The following ELN variants were observed in gnomAD, a reference collection of about 807,000 sequenced individuals.
The protein encoded by ELN is tropoelastin.
ELN carries 65 observed loss-of-function variants against 105.8 expected under a neutral mutation model. The observed-to-expected ratio is 0.61, with a 90% confidence interval of 0.50 to 0.75. The LOEUF is 0.75. Among genes scored for constraint, ELN ranks in the 30% least tolerant of loss-of-function variants. The pLI is 0.00. For missense variants in ELN, 882 were observed against 969.4 expected (o/e 0.91, Z 1.20); for synonymous variants, 368 against 389.2 (o/e 0.95, Z 0.64).
Position 74,063,078 on chromosome 7 carries a change from C to T in ELN, c.1787-75C>T, listed in dbSNP as rs1200445356. ...TCACATGGCCCCTGCCACCTGTCTG[C>T]TTGCCTTGTGTCCCTGGGGCAGGGA... On this transcript the variant is annotated intron_variant, in intron 26 of 32. Transcript: ENST00000252034. This position sits in a 1 kb window ranked among gnomAD's most constrained non-coding sequence, Gnocchi z 4.1. The T allele has an allele frequency of 1.2e-5, 19 of 1,534,434 alleles. No individual in the cohort carries two copies. The highest frequency in any genetic ancestry group is 1.6e-5 in the Non-Finnish European group (18 of 1,131,812).
rs1798625452 is a variant in ELN, at chr7:74,069,383, T to C, written c.*683T>C. 4.3e-6 allele frequency: 1 copy of C among 235,222 alleles called. No individual in the cohort carries two copies. The highest frequency in any genetic ancestry group is 2.2e-5 in the African/African-American group (1 of 45,360). The allele number at this position is 235,222 out of a possible 1,614,324, so 14.6% of individuals were successfully genotyped here. ...CGGTCCGTCCATCCATGTCCCCAGTTGACCGCCCGGCACCACTAGCTGGCT... is the reference window on the plus strand; with the variant it reads ...CGGTCCGTCCATCCATGTCCCCAGTCGACCGCCCGGCACCACTAGCTGGCT... On this transcript the variant is annotated 3_prime_UTR_variant, in exon 33 of 33. Transcript: ENST00000252034.
At chr7:74,055,711 C>T (rs1219118341) in intron 19 of ELN, among the ~76,000 whole-genome samples, 1 of 151,870 alleles carries the variant, frequency 6.6e-6, no homozygotes, top group Non-Finnish European at 1.5e-5. Context: ...AACTCCTGGA[C>T]TCAAATGATC....
rs1554668352 is a variant in ELN, at chr7:74,041,264, A to T, written c.232+13A>T. The T allele has an allele frequency of 6.2e-7, 1 of 1,613,700 alleles. No individual in the cohort carries two copies. Among genetic ancestry groups the T allele is most frequent in the Non-Finnish European group, 8.5e-7 (1 of 1,179,806 alleles). Reference sequence around the variant, plus strand: ...GGCCTTGGGGCAGGTGAGTGCTGACACCCAAGAAAGATATCCCCTGTGGGG... The same window carrying T: ...GGCCTTGGGGCAGGTGAGTGCTGACTCCCAAGAAAGATATCCCCTGTGGGG... On this transcript the variant is annotated intron_variant, in intron 5 of 32. Transcript: ENST00000252034.
intron 29 of ELN, among the ~76,000 whole-genome samples, chr7:74,064,272 G>A (rs1316391242): frequency 6.6e-6 from 1 of 151,704 alleles, no homozygotes; most frequent in Non-Finnish European, 1.5e-5. Flanking sequence ...AAAATTAGCT[G>A]GGCGTGGTGG....
Position 74,063,326 on chromosome 7 carries a change from C to T in ELN, c.1875C>T (p.Ala625=), listed in dbSNP as rs782752342. ...TGTTCCCAGGAGCCGGACCCGCCGC[C>T]GCCGCTGCCGCAGCCAAAGCTGCTG... ...PGGVVGAGPA[A]AAAAAKAAAK... is the part of the protein sequence containing the mutation. Residue 625 remains alanine (A), a synonymous_variant, in exon 28 of 33, where the codon GCC becomes GCT. Coordinates refer to ENST00000252034, the MANE Select transcript of ELN (RefSeq NM_000501.4). This position sits in a 1 kb window ranked among gnomAD's most constrained non-coding sequence, Gnocchi z 4.1. 3.8e-5 allele frequency: 59 copies of T among 1,550,722 alleles called. No homozygotes were observed. Among genetic ancestry groups the T allele is most frequent in the Middle Eastern group, 1.8e-4 (1 of 5,564 alleles).
intron 1 of ELN, among the ~76,000 whole-genome samples, 171 bp downstream of exon 1, chr7:74,028,440 C>T (rs1165275710): frequency 1.3e-5 from 2 of 152,216 alleles, no homozygotes; most frequent in Non-Finnish European, 2.9e-5. Context: ...GAGCCAGCCC[C>T]GTGCCCAGGA....
Position 74,069,534 on chromosome 7 carries a change from C to G in ELN, c.*834C>G, listed in dbSNP as rs1344454994. The G allele has an allele frequency of 1.3e-5, 3 of 234,208 alleles. No individual in the cohort carries two copies. The highest frequency in any genetic ancestry group is 6.6e-5 in the African/African-American group (3 of 45,338). 14.5% of individuals were successfully genotyped at this position (234,208 alleles called of 1,614,324 possible). On this transcript the variant is annotated 3_prime_UTR_variant, in exon 33 of 33. Transcript: ENST00000252034. Reference sequence around the variant, plus strand: ...TGGGGTGCCAGGCATCTCCTCCCCACCCGGGGTGTCCCCACATGCAGTACT... The same window carrying G: ...TGGGGTGCCAGGCATCTCCTCCCCAGCCGGGGTGTCCCCACATGCAGTACT...
intron 4 of ELN, among the ~76,000 whole-genome samples, chr7:74,038,248 G>T (rs1790429666): frequency 6.6e-6 from 1 of 152,116 alleles, no homozygotes; most frequent in Non-Finnish European, 1.5e-5. Context: ...ATGGAGCACT[G>T]GTCTCAAGCC....
chr7:74,063,403 G>A lies in ELN; in HGVS notation c.1918+34G>A, dbSNP rs557437312. The A allele has an allele frequency of 2.0e-5, 31 of 1,543,702 alleles. No individual in the cohort carries two copies. In the Admixed American group the frequency reaches 2.9e-4, roughly 15 times the overall value. On this transcript the variant is annotated intron_variant, in intron 28 of 32. Coordinates refer to ENST00000252034, the MANE Select transcript of ELN (RefSeq NM_000501.4). The surrounding 1 kb of genome is among the most constrained non-coding windows in gnomAD (Gnocchi z 4.1). ...TGGGTGGAGGTGGGAGCTGCCGCCAGGCCCCCAGGCCCCCAGGGTGTGGGA... is the reference window on the plus strand; with the variant it reads ...TGGGTGGAGGTGGGAGCTGCCGCCAAGCCCCCAGGCCCCCAGGGTGTGGGA...
rs781879992 is a variant in ELN at position 74,056,327 on chromosome 7, G to A, written c.1207G>A (p.Gly403Ser). 12 of 1,614,122 alleles carry A rather than the reference G, an allele frequency of 7.4e-6. 1 individual carries two copies. In the South Asian group the frequency reaches 1.3e-4, roughly 18 times the overall value. The change falls in exon 20 of 33, where the codon GGC becomes AGC. Residue 403 changes from glycine (G) to serine (S), a missense_variant. Transcript: ENST00000252034. ...TCCTACTTACGGGGTTGGAGCTGGG[G>A]GCTTTCCCGGCTTTGGTGTCGGAGT... Reference protein sequence around the residue: ...GIPTYGVGAGGFPGFGVGVGG... With the variant: ...GIPTYGVGAGSFPGFGVGVGG...
rs782023285 is a variant in ELN at position 74,051,848 on chromosome 7, T to A, written c.889+9T>A. 1 of 1,614,218 alleles carries A rather than the reference T, an allele frequency of 6.2e-7. No individual in the cohort carries two copies. The highest frequency in any genetic ancestry group is 8.5e-7 in the Non-Finnish European group (1 of 1,180,030). ...AATTGGAGGCATCGCAGGTAACATC[T>A]GTCCCAGCAGGGGGCGGGTGTGTCC... On this transcript the variant is annotated intron_variant, in intron 16 of 32. Coordinates refer to ENST00000252034, the MANE Select transcript of ELN (RefSeq NM_000501.4).
chr7:74,064,503 C>T (rs1364156242), intron 29 of ELN, among the ~76,000 whole-genome samples: 2 of 151,394 alleles, frequency 1.3e-5, no homozygotes, highest in African/African-American at 4.9e-5. Context: ...GTAATCCCAG[C>T]TACTCGGGAG....
intron 8 of ELN, chr7:74,043,501 G>T (rs1554670168): frequency 1.5e-6 from 1 of 681,450 alleles, no homozygotes; most frequent in Non-Finnish European, 2.7e-6. Context: ...GGGGAGCCCC[G>T]TGTCCTCTGA....
Position 74,068,934 on chromosome 7 carries a change from C to T in ELN, c.*234C>T. The T allele has an allele frequency of 1.7e-6, 1 of 577,280 alleles. No individual in the cohort carries two copies. The highest frequency in any genetic ancestry group is 2.9e-5 in the East Asian group (1 of 34,204). The allele number at this position is 577,280 out of a possible 1,614,324, so 35.8% of individuals were successfully genotyped here. A position where few individuals can be genotyped will look rare whatever the true frequency, so the allele number is the denominator to read the frequency against. On this transcript the variant is annotated 3_prime_UTR_variant, in exon 33 of 33. Coordinates refer to ENST00000252034, the MANE Select transcript of ELN (RefSeq NM_000501.4). The stretch of plus-strand genomic sequence containing the variant: ...GGCAAGGGCCATGTGGTCCTGGCCC[C>T]CCACCCCATCCCTTCCCACCTAGGA...
chr7:74,051,658 C>T, intron 15 of ELN, 92 bp from the exon 16 acceptor site: 1 of 1,451,574 alleles, frequency 6.9e-7, no homozygotes, highest in Non-Finnish European at 9.5e-7. Flanking sequence ...GATAAGATCA[C>T]ACTGGTGAAA....
intron 22 of ELN, chr7:74,059,663 G>A (rs1483654601): frequency 3.4e-5 from 21 of 620,532 alleles, no homozygotes; most frequent in African/African-American, 9.2e-5. Context: ...CAGCCTGGGC[G>A]ATAGAGTGAG....
At chr7:74,041,109 T>G in intron 4 of ELN, 107 bp from the exon 5 acceptor site, 3 of 1,449,372 alleles carry the variant, frequency 2.1e-6, no homozygotes, top group Non-Finnish European at 2.9e-6. Context: ...GGGACCAGCC[T>G]AGGGACCTGA....
In ELN at chr7:74,063,488, A is replaced by G; in HGVS notation, c.1918+119A>G. On this transcript the variant is annotated intron_variant, in intron 28 of 32. Coordinates refer to ENST00000252034, the MANE Select transcript of ELN (RefSeq NM_000501.4). This position sits in a 1 kb window ranked among gnomAD's most constrained non-coding sequence, Gnocchi z 4.1. ...CCTGCCCCAGACACCTCCTGGCTCC[A>G]CTGTGCCATCGAAGGCCAGGGGAGA... 1 of 1,605,388 alleles carries G rather than the reference A, an allele frequency of 6.2e-7. No homozygotes were observed. The highest frequency in any genetic ancestry group is 8.5e-7 in the Non-Finnish European group (1 of 1,176,858).
At chr7:74,030,298 G>A (rs1788372430) in intron 1 of ELN, among the ~76,000 whole-genome samples, 1 of 152,160 alleles carries the variant, frequency 6.6e-6, no homozygotes, top group Non-Finnish European at 1.5e-5. Context: ...TCAAGGAGGA[G>A]GGTGTCACTT....
Sources: allele counts gnomAD v4.1 joint callset (sites outside exome capture counted in the v4.1 genomes callset), GRCh38; gene constraint gnomAD v4.1.1; non-coding constraint Gnocchi (gnomAD v3.1); transcripts MANE v1.5; gene names NCBI Gene and HGNC (gene_info 2026-07-23, HGNC 2026-07-21).